The following CACNA1C variants were observed in gnomAD, a reference collection of about 807,000 sequenced individuals.
CACNA1C encodes calcium voltage-gated channel subunit alpha1 C.
CACNA1C carries 30 observed loss-of-function variants against 229.0 expected under a neutral mutation model. The ratio of observed to expected loss-of-function variants is 0.13; its 90% CI spans 0.10 to 0.18. The LOEUF (loss-of-function observed/expected upper bound fraction) is 0.18, where lower values mean the gene tolerates loss of function less well. CACNA1C is among the 10% of genes least tolerant of loss of function. The probability of loss-of-function intolerance (pLI) is 1.00; values close to 1 mark genes in which losing one functional copy is unlikely to be tolerated. For synonymous variants in CACNA1C, 1,114 were observed against 1,132.5 expected, an observed-to-expected ratio of 0.98 and a Z score of 0.33; for missense variants, 1,658 against 2,845.0, an observed-to-expected ratio of 0.58 and a Z score of 9.49.
At chr12:2,569,568 T>G (rs1466346286) in intron 13 of CACNA1C, among the ~76,000 whole-genome samples, 1 of 152,214 alleles carries the variant, frequency 6.6e-6, no homozygotes, top group Non-Finnish European at 1.5e-5. Flanking sequence ...TGTGATGGCC[T>G]CTTTGACTTA....
At chr12:2,031,467 T>C (rs2048208846) in intron 1 of CACNA1C, among the ~76,000 whole-genome samples, 1 of 152,222 alleles carries the variant, frequency 6.6e-6, no homozygotes, top group Admixed American at 6.5e-5. Flanking sequence ...AATGCGTGCC[T>C]GTCTCCTCTG....
rs1474139609 is a variant in CACNA1C at position 2,651,593 on chromosome 12, C to T, written c.3946-47C>T. 6.2e-7 allele frequency: 1 copy of T among 1,613,794 alleles called. No individual in the cohort carries two copies. The highest frequency in any genetic ancestry group is 1.1e-5 in the South Asian group (1 of 91,060). On this transcript the variant is annotated intron_variant, in intron 31 of 46. Coordinates refer to ENST00000399655, the MANE Select transcript of CACNA1C (RefSeq NM_000719.7). The surrounding 1 kb of genome is among the most constrained non-coding windows in gnomAD (Gnocchi z 5.4). ...TCGGAGGGGCCCTCCTGTTCTCACC[C>T]CCCTCTTGCTGTGCTAACTGCACCT...
intron 11 of CACNA1C, among the ~76,000 whole-genome samples, chr12:2,565,429 TGCAGTCC>T (rs1398265989): frequency 5.6e-5 from 8 of 143,362 alleles, no homozygotes; most frequent in Non-Finnish European, 9.0e-5. Context: ...ATTGCGCCAC[TGCAGTCC>T]GCAGTCCGGC....
intron 3 of CACNA1C, among the ~76,000 whole-genome samples, chr12:2,230,284 C>T (rs1224130704): frequency 6.6e-6 from 1 of 152,164 alleles, no homozygotes; most frequent in East Asian, 1.9e-4. Context: ...GTGGGGACGG[C>T]GCCGGGCTGC....
chr12:2,466,870 C>T lies in CACNA1C; in HGVS notation c.757+9164C>T, dbSNP rs1269911660. Among the ~76,000 whole-genome samples, 5 of 152,254 alleles carry T rather than the reference C, an allele frequency of 3.3e-5. No homozygotes were observed. The East Asian group carries it at 9.7e-4, about 30-fold the overall frequency. On this transcript the variant is annotated intron_variant, in intron 5 of 46. Coordinates refer to ENST00000399655, the MANE Select transcript of CACNA1C (RefSeq NM_000719.7). ...AGGCTGTACCCTCACTGCTTGCAGACCTTCAGCCTCTCCACCCCTGTTCTC... is the reference window on the plus strand; with the variant it reads ...AGGCTGTACCCTCACTGCTTGCAGATCTTCAGCCTCTCCACCCCTGTTCTC...
At chr12:2,046,323 C>G (rs1408626789) in intron 1 of CACNA1C, among the ~76,000 whole-genome samples, 1 of 152,102 alleles carries the variant, frequency 6.6e-6, no homozygotes, top group Non-Finnish European at 1.5e-5. Context: ...CCAGATGAAA[C>G]AAACTTTCTC....
intron 3 of CACNA1C, among the ~76,000 whole-genome samples, chr12:2,270,708 G>T (rs11609165): frequency 8.8e-4 from 134 of 152,240 alleles, no homozygotes; most frequent in African/African-American, 3.1e-3. Flanking sequence ...CTTGGCCATG[G>T]GATGTCTTAA....
chr12:2,499,799 G>A (rs1427843422), intron 7 of CACNA1C, among the ~76,000 whole-genome samples: 1 of 151,620 alleles, frequency 6.6e-6, no homozygotes, highest in African/African-American at 2.4e-5. Context: ...TCAGCAATCT[G>A]GGTCATTTTT....
intron 3 of CACNA1C, among the ~76,000 whole-genome samples, chr12:2,221,401 G>A (rs1373921409): frequency 1.3e-5 from 2 of 152,222 alleles, no homozygotes; most frequent in Non-Finnish European, 2.9e-5. Context: ...CAGCAGTGGA[G>A]GTGAGATGAA....
Position 2,493,058 on chromosome 12 carries a change from C to T in CACNA1C, c.917-132C>T, listed in dbSNP as rs561042265. The T allele has an allele frequency of 1.0e-3, 701 of 674,600 alleles. 8 individuals carry two copies. The South Asian group carries it at 0.011, about 10-fold the overall frequency. The allele number at this position is 674,600 out of a possible 1,614,324, so 41.8% of individuals were successfully genotyped here. A position where few individuals can be genotyped will look rare whatever the true frequency, so the allele number is the denominator to read the frequency against. ...GGGGACCTGATTTAAACATGTCTTGCGCTGTTGTTGCCATGGTTGCTTTGC... is the reference window on the plus strand; with the variant it reads ...GGGGACCTGATTTAAACATGTCTTGTGCTGTTGTTGCCATGGTTGCTTTGC... On this transcript the variant is annotated intron_variant, in intron 6 of 46. Coordinates refer to ENST00000399655, the MANE Select transcript of CACNA1C (RefSeq NM_000719.7). The surrounding 1 kb of genome is among the most constrained non-coding windows in gnomAD (Gnocchi z 4.6).
chr12:2,303,421 G>T (rs2094738497), intron 3 of CACNA1C, among the ~76,000 whole-genome samples: 1 of 152,080 alleles, frequency 6.6e-6, no homozygotes, highest in African/African-American at 2.4e-5. Flanking sequence ...CGCCATTCAT[G>T]TTGGATAGGA....
At chr12:2,028,794 C>T (rs2047747250) in intron 1 of CACNA1C, among the ~76,000 whole-genome samples, 1 of 151,824 alleles carries the variant, frequency 6.6e-6, no homozygotes, top group South Asian at 2.1e-4. Context: ...TTGTAAAAGG[C>T]TGTGATGATG....
At chr12:2,495,169 G>C (rs1189152774) in intron 7 of CACNA1C, among the ~76,000 whole-genome samples, 3 of 152,230 alleles carry the variant, frequency 2.0e-5, no homozygotes, top group African/African-American at 7.2e-5. Flanking sequence ...TAATTTGTAA[G>C]ACAGAAGGAA....
chr12:2,193,367 A>G (rs897713736), intron 3 of CACNA1C, among the ~76,000 whole-genome samples: 1 of 152,174 alleles, frequency 6.6e-6, no homozygotes, highest in African/African-American at 2.4e-5. Flanking sequence ...AGGTGAGAGG[A>G]TGGCTTGAGC....
chr12:2,686,233 G>C lies in CACNA1C; in HGVS notation c.5748G>C (p.Gln1916His). The stretch of plus-strand genomic sequence containing the variant: ...AGGACCGAGGGGGAGACATCTCTCA[G>C]AAGACAGTCCTGCCCTTGCATCTGG... ...RQKDRGGDIS[Q>H]KTVLPLHLVH... Residue 1916 changes from glutamine to histidine, a missense_variant, in exon 45 of 47, where the codon CAG becomes CAC. Around this residue, in one of 20 missense-constraint regions of CACNA1C, gnomAD observed 590 missense variants for 700.8 expected, o/e 0.84. Coordinates refer to ENST00000399655, the MANE Select transcript of CACNA1C (RefSeq NM_000719.7). 2 of 1,613,278 alleles carry C rather than the reference G, an allele frequency of 1.2e-6. No individual in the cohort carries two copies. The highest frequency in any genetic ancestry group is 1.7e-6 in the Non-Finnish European group (2 of 1,179,836).
At chr12:1,996,479 A>G (rs530136222) in intron 1 of CACNA1C, among the ~76,000 whole-genome samples, 3 of 152,074 alleles carry the variant, frequency 2.0e-5, no homozygotes, top group African/African-American at 7.2e-5. Context: ...AAGTTCCACC[A>G]TATTCCTGAG....
At chr12:2,540,035 T>C (rs575354334) in intron 9 of CACNA1C, among the ~76,000 whole-genome samples, 34 of 152,280 alleles carry the variant, frequency 2.2e-4, no homozygotes, top group Middle Eastern at 3.4e-3. Flanking sequence ...ACATGTGGCC[T>C]TGGGCAGCAA....
chr12:2,023,954 G>A (rs1271905169), intron 1 of CACNA1C, among the ~76,000 whole-genome samples: 1 of 152,118 alleles, frequency 6.6e-6, no homozygotes, highest in African/African-American at 2.4e-5. Flanking sequence ...AGGAAACCTG[G>A]GTTTCCACCT....
At chr12:1,994,916 C>G (rs557723528) in intron 1 of CACNA1C, among the ~76,000 whole-genome samples, 2 of 124,184 alleles carry the variant, frequency 1.6e-5, no homozygotes, top group Non-Finnish European at 3.3e-5. Context: ...TCCCACCCCC[C>G]ACCCACCATG....
Sources: gnomAD v4.1 joint callset for allele counts (sites outside exome capture counted in the v4.1 genomes callset) on GRCh38, gnomAD v4.1.1 for gene constraint, gnomAD v4.1.1 regional missense constraint, Gnocchi (gnomAD v3.1) non-coding constraint, MANE v1.5 for transcripts, NCBI Gene and HGNC (gene_info 2026-07-23, HGNC 2026-07-21) for gene names.